Variants in SPOCK1 observed in about 807,000 individuals in gnomAD.
The protein encoded by SPOCK1 is testican-1.
A neutral mutation model predicts 55.3 loss-of-function variants in SPOCK1; 23 were observed. The observed-to-expected ratio is 0.42, with a 90% CI of 0.30 to 0.59. The LOEUF is 0.59. SPOCK1 is among the 20% of genes least tolerant of loss of function. SPOCK1 has a pLI of 0.22. For missense variants in SPOCK1, 499 were observed against 552.5 expected (o/e 0.90, Z 0.97); for synonymous variants, 226 against 221.0 (o/e 1.02, Z -0.20).
At chr5:137,172,052 A>G (rs1462195332) in intron 3 of SPOCK1, among the ~76,000 whole-genome samples, 1 of 152,192 alleles carries the variant, frequency 6.6e-6, no homozygotes, top group Non-Finnish European at 1.5e-5. Context: ...TGAGTGAAAT[A>G]GCTTTCTCAA....
chr5:137,291,203 G>T (rs1757363530), intron 2 of SPOCK1, among the ~76,000 whole-genome samples: 1 of 152,186 alleles, frequency 6.6e-6, no homozygotes. Context: ...TGCCAGCCCA[G>T]AAAAGAGCAG....
At chr5:136,994,039 C>T (rs1391571421) in intron 6 of SPOCK1, among the ~76,000 whole-genome samples, 2 of 152,150 alleles carry the variant, frequency 1.3e-5, no homozygotes, top group East Asian at 1.9e-4. Context: ...TCCCAGAGCT[C>T]AGGCAGAAAA....
intron 4 of SPOCK1, among the ~76,000 whole-genome samples, chr5:137,124,345 C>T (rs1417567831): frequency 6.6e-6 from 1 of 152,136 alleles, no homozygotes; most frequent in Admixed American, 6.5e-5. Context: ...GGACATAAAG[C>T]GAACCCCTGA....
chr5:137,413,939 C>T (rs942856265), intron 2 of SPOCK1, among the ~76,000 whole-genome samples: 1 of 152,066 alleles, frequency 6.6e-6, no homozygotes, highest in Non-Finnish European at 1.5e-5. Flanking sequence ...ACAGAAATTA[C>T]CCTCCCTCCA....
At chr5:137,450,230 G>A (rs1433212331) in intron 2 of SPOCK1, among the ~76,000 whole-genome samples, 1 of 152,222 alleles carries the variant, frequency 6.6e-6, no homozygotes, top group Non-Finnish European at 1.5e-5. Context: ...AACCATCAGA[G>A]GACTTGTGTC....
intron 2 of SPOCK1, among the ~76,000 whole-genome samples, chr5:137,496,264 G>A (rs994772754): frequency 2.0e-5 from 3 of 152,172 alleles, no homozygotes; most frequent in African/African-American, 7.2e-5. Flanking sequence ...TTCATCCTCA[G>A]TCAGGTTTGG....
intron 6 of SPOCK1, among the ~76,000 whole-genome samples, chr5:137,026,627 A>G (rs538469296): frequency 1.0e-3 from 157 of 152,162 alleles, no homozygotes; most frequent in Non-Finnish European, 1.5e-3. Flanking sequence ...CTGTCCACAC[A>G]CACACCCTCT....
At chr5:137,471,678 GATA>G (rs1753741074) in intron 2 of SPOCK1, among the ~76,000 whole-genome samples, 1 of 152,168 alleles carries the variant, frequency 6.6e-6, no homozygotes, top group South Asian at 2.1e-4. Context: ...ACCCAGCATA[GATA>G]ATGATGGTTC....
intron 3 of SPOCK1, among the ~76,000 whole-genome samples, chr5:137,145,545 G>T (rs1198367219): frequency 6.6e-6 from 1 of 152,172 alleles, no homozygotes; most frequent in Non-Finnish European, 1.5e-5. Flanking sequence ...GGCCCAAAGG[G>T]TTCCTCACCT....
chr5:137,378,429 T>C (rs1751377598), intron 2 of SPOCK1, among the ~76,000 whole-genome samples: 1 of 152,212 alleles, frequency 6.6e-6, no homozygotes, highest in African/African-American at 2.4e-5. Context: ...CCATACACTG[T>C]GGACATGCCA....
In SPOCK1 at chr5:137,245,265, AT is replaced by A. The variant is rs571021424; in HGVS notation, c.232+21744del. On this transcript the variant is annotated intron_variant, in intron 3 of 10. Transcript: ENST00000394945. ...TCTCCTTGATGCCAGTATTAAAAAA[AT>A]CAATCATCTTTTCAACTTAATAGCC... Among the ~76,000 whole-genome samples, 140 of 149,128 alleles carry A rather than the reference AT, an allele frequency of 9.4e-4. 1 individual carries two copies. Among genetic ancestry groups the A allele is most frequent in the African/African-American group, 3.2e-3 (134 of 41,374 alleles).
intron 2 of SPOCK1, among the ~76,000 whole-genome samples, chr5:137,301,556 A>C (rs559766630): frequency 1.8e-4 from 28 of 151,410 alleles, no homozygotes; most frequent in African/African-American, 6.8e-4. Context: ...GTATCTTTGC[A>C]TCTCCTGTTT....
intron 3 of SPOCK1, among the ~76,000 whole-genome samples, chr5:137,181,818 T>C (rs1754977179): frequency 2.0e-5 from 3 of 152,212 alleles, no homozygotes; most frequent in Non-Finnish European, 4.4e-5. Context: ...GCTGGGCAGA[T>C]GCCTGCCTGG....
intron 2 of SPOCK1, among the ~76,000 whole-genome samples, chr5:137,481,829 T>G (rs369407215): frequency 6.6e-6 from 1 of 152,130 alleles, no homozygotes; most frequent in African/African-American, 2.4e-5. Context: ...TGTCTTCCAT[T>G]CCCCCTAAAG....
chr5:137,056,653 C>T (rs1405970143), intron 6 of SPOCK1, among the ~76,000 whole-genome samples: 3 of 151,520 alleles, frequency 2.0e-5, no homozygotes, highest in South Asian at 2.1e-4. Flanking sequence ...TTCTTGGCTG[C>T]GGCTATGATC....
At chr5:137,057,421 T>C (rs1488185112) in intron 6 of SPOCK1, among the ~76,000 whole-genome samples, 1 of 152,200 alleles carries the variant, frequency 6.6e-6, no homozygotes, top group Non-Finnish European at 1.5e-5. Context: ...AACTATTGAT[T>C]CTGAGCTTTA....
At chr5:137,405,206 A>G (rs1752071638) in intron 2 of SPOCK1, among the ~76,000 whole-genome samples, 1 of 152,228 alleles carries the variant, frequency 6.6e-6, no homozygotes, top group African/African-American at 2.4e-5. Context: ...TAAATTCATC[A>G]CTGTTTAGGT....
intron 2 of SPOCK1, among the ~76,000 whole-genome samples, chr5:137,321,517 T>G (rs1037851147): frequency 2.0e-5 from 3 of 152,008 alleles, no homozygotes; most frequent in Non-Finnish European, 4.4e-5. Context: ...AGACTATCAG[T>G]GTATATATCA....
chr5:137,083,813 A>G (rs1277774314), intron 5 of SPOCK1, among the ~76,000 whole-genome samples: 1 of 151,888 alleles, frequency 6.6e-6, no homozygotes, highest in Admixed American at 6.6e-5. Context: ...AGCTTGGGGA[A>G]GTTTGCCAGG....
Sources: gnomAD v4.1 joint callset for allele counts (sites outside exome capture counted in the v4.1 genomes callset) on GRCh38, gnomAD v4.1.1 for gene constraint, MANE v1.5 for transcripts, NCBI Gene and HGNC (gene_info 2026-07-23, HGNC 2026-07-21) for gene names.